Variants in SEMA3A observed in about 807,000 individuals in gnomAD.
SEMA3A encodes semaphorin-3A.
Under a neutral mutation model 97.9 loss-of-function variants are expected in SEMA3A, and 29 were observed. That is an observed-to-expected ratio of 0.30 (90% CI 0.22 to 0.40). The LOEUF (loss-of-function observed/expected upper bound fraction) is 0.40. SEMA3A is among the 10% of genes least tolerant of loss of function. SEMA3A has a pLI of 1.00. For missense variants in SEMA3A, 763 were observed against 951.3 expected, an observed-to-expected ratio of 0.80 and a Z score of 2.60; for synonymous variants, 321 against 323.7, an observed-to-expected ratio of 0.99 and a Z score of 0.09.
chr7:84,255,234 A>G (rs1031712858), intron 3 of SEMA3A, among the ~76,000 whole-genome samples: 14 of 152,286 alleles, frequency 9.2e-5, no homozygotes, highest in Non-Finnish European at 1.5e-5. Flanking sequence ...ATCACAATAC[A>G]GGCATTCTTT....
At chr7:84,100,713 A>T (rs1280419220) in intron 4 of SEMA3A, among the ~76,000 whole-genome samples, 1 of 152,192 alleles carries the variant, frequency 6.6e-6, no homozygotes, top group Non-Finnish European at 1.5e-5. Context: ...GGTTTTTATT[A>T]AAGCCATTCT....
chr7:84,303,161 A>C (rs1562893876), intron 3 of SEMA3A, among the ~76,000 whole-genome samples: 1 of 152,136 alleles, frequency 6.6e-6, no homozygotes, highest in African/African-American at 2.4e-5. Flanking sequence ...GAGGTTAGGC[A>C]TGTATGCCAG....
chr7:84,367,468 G>A (rs905142130), intron 2 of SEMA3A, among the ~76,000 whole-genome samples: 1 of 150,526 alleles, frequency 6.6e-6, no homozygotes, highest in African/African-American at 2.4e-5. Context: ...GAAAAAAATC[G>A]CCAAACAATA....
intron 3 of SEMA3A, among the ~76,000 whole-genome samples, chr7:84,287,766 C>T (rs902104473): frequency 6.6e-6 from 1 of 152,038 alleles, no homozygotes; most frequent in African/African-American, 2.4e-5. Flanking sequence ...AAATGCTGTT[C>T]GTTTACAACT....
chr7:84,410,010 A>T (rs1343895182), intron 1 of SEMA3A, among the ~76,000 whole-genome samples: 1 of 152,108 alleles, frequency 6.6e-6, no homozygotes, highest in African/African-American at 2.4e-5. Flanking sequence ...ATTCATAAGG[A>T]TCACGTAGGG....
intron 1 of SEMA3A, among the ~76,000 whole-genome samples, chr7:84,414,644 A>C (rs1228578366): frequency 6.6e-6 from 1 of 152,064 alleles, no homozygotes; most frequent in Non-Finnish European, 1.5e-5. Context: ...GTAATCATGA[A>C]TAAACGTTCA....
rs1198745885 is a variant in SEMA3A, at chr7:84,067,689, T to C, written c.454-7131A>G. On this transcript the variant is annotated intron_variant, in intron 4 of 16. Transcript: ENST00000265362. Reference sequence around the variant, plus strand: ...ATGAAAAAATGCTCATCATCACTGGTCATCAGAGAAATGCAAATCAAAACC... The same window carrying C: ...ATGAAAAAATGCTCATCATCACTGGCCATCAGAGAAATGCAAATCAAAACC... 7.2e-5 allele frequency among the ~76,000 whole-genome samples: 11 copies of C among 152,168 alleles called. 1 individual carries two copies. The South Asian group carries it at 1.0e-3, about 14-fold the overall frequency.
intron 4 of SEMA3A, among the ~76,000 whole-genome samples, chr7:84,093,902 C>T (rs537134540): frequency 6.8e-6 from 1 of 147,182 alleles, no homozygotes; most frequent in South Asian, 2.2e-4. Flanking sequence ...ATGTAACAAA[C>T]CTGCACATGC....
At chr7:84,193,782 G>A (rs1297209028) in intron 1 of SEMA3A, among the ~76,000 whole-genome samples, 2 of 152,098 alleles carry the variant, frequency 1.3e-5, no homozygotes, top group African/African-American at 2.4e-5. Flanking sequence ...CAAAAGAGAA[G>A]TTTACACAAC....
intron 12 of SEMA3A, among the ~76,000 whole-genome samples, chr7:83,992,574 G>A (rs1790006229): frequency 6.6e-6 from 1 of 151,896 alleles, no homozygotes; most frequent in Non-Finnish European, 1.5e-5. Flanking sequence ...ATTTCCTTAT[G>A]TACCCAGTAG....
chr7:84,396,236 A>T (rs1418600589), intron 1 of SEMA3A, among the ~76,000 whole-genome samples: 4 of 152,048 alleles, frequency 2.6e-5, no homozygotes, highest in African/African-American at 9.7e-5. Flanking sequence ...TAATATACAG[A>T]ATAAATGTAA....
At chr7:84,055,379 C>A (rs995575191) in intron 5 of SEMA3A, among the ~76,000 whole-genome samples, 16 of 152,116 alleles carry the variant, frequency 1.1e-4, no homozygotes, top group South Asian at 4.2e-4. Context: ...AGGACCCTCC[C>A]AGCCAGGTGT....
chr7:84,129,766 G>A (rs1352460075), intron 2 of SEMA3A, among the ~76,000 whole-genome samples: 1 of 151,086 alleles, frequency 6.6e-6, no homozygotes, highest in East Asian at 1.9e-4. Flanking sequence ...AAGTAGCATG[G>A]TATATGTTAG....
intron 4 of SEMA3A, among the ~76,000 whole-genome samples, chr7:84,066,770 G>A (rs1793519612): frequency 6.6e-6 from 1 of 152,024 alleles, no homozygotes; most frequent in Non-Finnish European, 1.5e-5. Context: ...TGAAATAAAA[G>A]AGGATACAAA....
intron 4 of SEMA3A, among the ~76,000 whole-genome samples, chr7:84,062,246 G>A (rs563865597): frequency 2.0e-5 from 3 of 152,106 alleles, no homozygotes; most frequent in African/African-American, 7.2e-5. Context: ...ACATTGAGAT[G>A]TTTATATACA....
At chr7:84,203,546 T>C (rs1458260420) in intron 3 of SEMA3A, among the ~76,000 whole-genome samples, 3 of 131,524 alleles carry the variant, frequency 2.3e-5, no homozygotes, top group Admixed American at 7.8e-5. Context: ...TTTTTTTTTT[T>C]CTGAGATAGA....
Position 84,057,751 on chromosome 7 carries a change from G to GATAAATAAATAA in SEMA3A, c.547+2702_547+2713dup, listed in dbSNP as rs71297135. Among the ~76,000 whole-genome samples, 911 of 142,684 alleles carry GATAAATAAATAA rather than the reference G, an allele frequency of 6.4e-3. 6 individuals carry two copies. The highest frequency in any genetic ancestry group is 0.018 in the African/African-American group (680 of 38,564). The allele number at this position is 142,684 out of a possible 152,430, so 93.6% of individuals were successfully genotyped here. On this transcript the variant is annotated intron_variant, in intron 5 of 16. Transcript: ENST00000265362. ...CACTCCAGCCTGGGCGACAGAGCAA[G>GATAAATAAATAA]ATAAATAAATAAATAAATAAATAAA...
At chr7:84,383,743 C>T (rs1000975391) in intron 1 of SEMA3A, among the ~76,000 whole-genome samples, 2 of 152,106 alleles carry the variant, frequency 1.3e-5, no homozygotes, top group African/African-American at 4.8e-5. Context: ...TTATTCAATG[C>T]GTTTGTAGAA....
chr7:84,203,601 G>A (rs1404218319), intron 3 of SEMA3A, among the ~76,000 whole-genome samples: 1 of 134,102 alleles, frequency 7.5e-6, no homozygotes, highest in Non-Finnish European at 1.5e-5. Context: ...ACACAATCTC[G>A]GCTCACTGCA....
Sources: allele counts gnomAD v4.1 joint callset (sites outside exome capture counted in the v4.1 genomes callset), GRCh38; gene constraint gnomAD v4.1.1; transcripts MANE v1.5; gene names NCBI Gene and HGNC (gene_info 2026-07-23, HGNC 2026-07-21).